TOGARAM1: variants seen among roughly 807,000 people sequenced by gnomAD.
TOGARAM1 encodes TOG array regulator of axonemal microtubules 1, also known as TOG array regulator of axonemal microtubules protein 1.
TOGARAM1 carries 100 observed loss-of-function variants against 166.6 expected under a neutral mutation model. The ratio of observed to expected loss-of-function variants is 0.60; its 90% confidence interval spans 0.51 to 0.71. The LOEUF (loss-of-function observed/expected upper bound fraction) is 0.71. Ranked by LOEUF, TOGARAM1 falls within the 30% of genes least tolerant of loss-of-function variation. The pLI is 0.00. For missense variants in TOGARAM1, 2,029 were observed against 2,102.7 expected (o/e 0.96, Z 0.69); for synonymous variants, 758 against 763.8 (o/e 0.99, Z 0.13).
intron 19 of TOGARAM1, among the ~76,000 whole-genome samples, 181 bp from the exon 20 acceptor site, chr14:45,073,115 A>G (rs1883453569): frequency 6.6e-6 from 1 of 152,230 alleles, no homozygotes; most frequent in African/African-American, 2.4e-5. Flanking sequence ...TTCTAATACC[A>G]TATTTGAAGA....
In TOGARAM1 at chr14:45,027,347, T is replaced by C; in HGVS notation, c.3377T>C (p.Val1126Ala). Residue 1126 changes from valine (V) to alanine (A), a missense_variant, in exon 9 of 20, where the codon GTG (valine) becomes GCG (alanine). Val to Ala is a moderately conservative substitution (Grantham distance 64). This residue lies in a region of TOGARAM1 where 1,453 missense variants were observed against 1,432.2 expected (regional missense o/e 1.01). Coordinates refer to ENST00000361462, the MANE Select transcript of TOGARAM1 (RefSeq NM_001308120.2). ...SSAPATCSQSVISSVENGDTF... is the reference protein window; with the variant it reads ...SSAPATCSQSAISSVENGDTF... ...GCACCAGCAACCTGCAGCCAATCAG[T>C]GATATCTTCTGTGGAAAATGGGGAT... The C allele has an allele frequency of 6.2e-7, 1 of 1,613,620 alleles. No homozygotes were observed. Among genetic ancestry groups the C allele is most frequent in the African/African-American group, 1.3e-5 (1 of 75,004 alleles).
In TOGARAM1 at chr14:45,051,629, G is replaced by A. The variant is rs573926889; in HGVS notation, c.4314-807G>A. ...GGCTGGAGTGCAATGGTGTGATCTCGGCTCACTGCAACCTCCACCTCCTGG... is the reference window on the plus strand; with the variant it reads ...GGCTGGAGTGCAATGGTGTGATCTCAGCTCACTGCAACCTCCACCTCCTGG... On this transcript the variant is annotated intron_variant, in intron 14 of 19. Coordinates refer to ENST00000361462, the MANE Select transcript of TOGARAM1 (RefSeq NM_001308120.2). 8.6e-5 allele frequency among the ~76,000 whole-genome samples: 12 copies of A among 139,836 alleles called. No individual in the cohort carries two copies. In the South Asian group the frequency reaches 1.8e-3, roughly 21 times the overall value. 91.7% of individuals were successfully genotyped at this position (139,836 alleles called of 152,430 possible).
At position 45,068,575 on chromosome 14, in the gene TOGARAM1, T is replaced by C; in HGVS notation, c.4901T>C (p.Leu1634Pro). 1.2e-6 allele frequency: 2 copies of C among 1,613,346 alleles called. No individual in the cohort carries two copies. Among genetic ancestry groups the C allele is most frequent in the Non-Finnish European group, 1.7e-6 (2 of 1,179,646 alleles). The change falls in exon 18 of 20, where the codon CTG becomes CCG. Residue 1634 changes from leucine to proline, a missense_variant. Around this residue, in one of 2 missense-constraint regions of TOGARAM1, gnomAD observed 576 missense variants for 670.5 expected, o/e 0.86. Transcript: ENST00000361462. ...MLIPAIVDNN[L>P]NSKNPGIYAA... ...ATTCCAGCAATAGTGGATAACAATC[T>C]GAATTCCAAGAATCCAGGCATCTAT...
In TOGARAM1 at chr14:45,066,644, G is replaced by C; in HGVS notation, c.4626G>C (p.Glu1542Asp). ...CTCGTAATTCCTTAGAAAGTGCTGA[G>C]TACCTTAAACTCATAACTGGCTTAT... ...SVPRNSLESA[E>D]YLKLITGLLN... Residue 1542 changes from glutamate to aspartate, a missense_variant, in exon 17 of 20, where the codon GAG (glutamate) becomes GAC (aspartate). Glu to Asp is a conservative substitution (Grantham distance 45, BLOSUM62 2). Coordinates refer to ENST00000361462, the MANE Select transcript of TOGARAM1 (RefSeq NM_001308120.2). 3 of 1,613,614 alleles carry C rather than the reference G, an allele frequency of 1.9e-6. No homozygotes were observed. The highest frequency in any genetic ancestry group is 2.7e-5 in the African/African-American group (2 of 75,032).
intron 1 of TOGARAM1, among the ~76,000 whole-genome samples, chr14:44,972,379 T>G (rs930013746): frequency 6.6e-6 from 1 of 152,176 alleles, no homozygotes; most frequent in African/African-American, 2.4e-5. Flanking sequence ...AGATGTCAAT[T>G]ACATCTAGTT....
chr14:45,003,334 A>G (rs961000294), intron 3 of TOGARAM1, among the ~76,000 whole-genome samples: 1 of 152,156 alleles, frequency 6.6e-6, no homozygotes, highest in Non-Finnish European at 1.5e-5. Flanking sequence ...AACCCCTAAA[A>G]GATTACAAAT....
intron 3 of TOGARAM1, 23 bp downstream of exon 3, chr14:44,999,520 G>C: frequency 6.4e-7 from 1 of 1,556,240 alleles, no homozygotes; most frequent in South Asian, 1.3e-5. Flanking sequence ...AATTTACTTG[G>C]AAACAAATGA....
intron 7 of TOGARAM1, among the ~76,000 whole-genome samples, chr14:45,020,939 C>G (rs1464414099): frequency 6.6e-6 from 1 of 152,082 alleles, no homozygotes; most frequent in East Asian, 1.9e-4. Context: ...GAGGCACATT[C>G]AACAGTTAGT....
At chr14:45,001,815 A>C (rs1887701574) in intron 3 of TOGARAM1, among the ~76,000 whole-genome samples, 1 of 152,216 alleles carries the variant, frequency 6.6e-6, no homozygotes, top group South Asian at 2.1e-4. Context: ...TAGGAACCGT[A>C]ACTTCCTAAA....
rs750319611 is a variant in TOGARAM1, at chr14:45,054,515, T to C, written c.4525T>C (p.Ser1509Pro). The C allele has an allele frequency of 6.2e-7, 1 of 1,613,210 alleles. No individual in the cohort carries two copies. Among genetic ancestry groups the C allele is most frequent in the Non-Finnish European group, 8.5e-7 (1 of 1,179,440 alleles). ...TGSVGNTRSSSVSRDAFNSAE... is the reference protein window; with the variant it reads ...TGSVGNTRSSPVSRDAFNSAE... ...CAGTGTTGGAAATACAAGATCATCATCTGTTTCTAGAGATGCTTTCAATTC... is the reference window on the plus strand; with the variant it reads ...CAGTGTTGGAAATACAAGATCATCACCTGTTTCTAGAGATGCTTTCAATTC... Residue 1509 changes from serine (S) to proline (P), a missense_variant, in exon 16 of 20, where the codon TCT becomes CCT. Around this residue, in one of 2 missense-constraint regions of TOGARAM1, gnomAD observed 576 missense variants for 670.5 expected, o/e 0.86. Coordinates refer to ENST00000361462, the MANE Select transcript of TOGARAM1 (RefSeq NM_001308120.2).
At chr14:44,981,191 G>C (rs1320989335) in intron 1 of TOGARAM1, among the ~76,000 whole-genome samples, 1 of 152,198 alleles carries the variant, frequency 6.6e-6, no homozygotes, top group Non-Finnish European at 1.5e-5. Context: ...TGAATTAGAA[G>C]ACTGTTATTT....
At chr14:44,978,252 C>G (rs1886322417) in intron 1 of TOGARAM1, 1 of 152,070 alleles carries the variant, frequency 6.6e-6, no homozygotes, top group African/African-American at 2.4e-5. Context: ...TCCCAAATTC[C>G]ACTGTGCCCT....
At chr14:45,013,665 T>C (rs1389141838) in intron 7 of TOGARAM1, among the ~76,000 whole-genome samples, 1 of 152,250 alleles carries the variant, frequency 6.6e-6, no homozygotes, top group Non-Finnish European at 1.5e-5. Flanking sequence ...TCATGACATA[T>C]ATAAAGCAAC....
chr14:45,016,514 C>T (rs1262356290), intron 7 of TOGARAM1, among the ~76,000 whole-genome samples: 2 of 152,152 alleles, frequency 1.3e-5, no homozygotes, highest in African/African-American at 2.4e-5. Context: ...ACACCGTGCT[C>T]AATTACAGGA....
chr14:44,962,395 C>T lies in TOGARAM1; in HGVS notation c.-27C>T, dbSNP rs375803829. ...CCTTTGGAGACGGCAATGGTTTCTTCCAACCACCACCACCTGACAACCCTG... is the reference window on the plus strand; with the variant it reads ...CCTTTGGAGACGGCAATGGTTTCTTTCAACCACCACCACCTGACAACCCTG... On this transcript the variant is annotated 5_prime_UTR_variant, in exon 1 of 20. Transcript: ENST00000361462. 6.6e-7 allele frequency: 1 copy of T among 1,517,618 alleles called. No homozygotes were observed. The highest frequency in any genetic ancestry group is 2.2e-5 in the Admixed American group (1 of 45,892). The allele number at this position is 1,517,618 out of a possible 1,614,324, so 94.0% of individuals were successfully genotyped here. A position where few individuals can be genotyped will look rare whatever the true frequency, so the allele number is the denominator to read the frequency against.
rs150582439 is a variant in TOGARAM1 at position 45,041,449 on chromosome 14, G to C, written c.3813-2237G>C. 2.0e-5 allele frequency among the ~76,000 whole-genome samples: 3 copies of C among 152,284 alleles called. No homozygotes were observed. In the East Asian group the frequency reaches 5.8e-4, roughly 29 times the overall value. On this transcript the variant is annotated intron_variant, in intron 11 of 19. Coordinates refer to ENST00000361462, the MANE Select transcript of TOGARAM1 (RefSeq NM_001308120.2). ...TTCCACAAAGAAAACTTCAGTTTCT[G>C]ATAGTTTATCCCAAAGTTTTTACGA...
chr14:45,068,382 A>G, intron 17 of TOGARAM1, 42 bp from the exon 18 acceptor site: 1 of 1,391,612 alleles, frequency 7.2e-7, no homozygotes, highest in Non-Finnish European at 9.9e-7. Flanking sequence ...CAATAGCTAT[A>G]AAAATCATTT....
chr14:44,995,519 G>A, intron 1 of TOGARAM1: 2 of 531,846 alleles, frequency 3.8e-6, no homozygotes, highest in South Asian at 3.1e-5. Flanking sequence ...GAACAGTAAA[G>A]GGTTGGGGTG....
rs1235420603 is a variant in TOGARAM1 at position 44,973,769 on chromosome 14, C to T, written c.2046+9302C>T. ...TCTTCACTTGTGAAAGATTATTTCC[C>T]AGGGTATAGACTTCTAAATTGATGG... On this transcript the variant is annotated intron_variant, in intron 1 of 19. Coordinates refer to ENST00000361462, the MANE Select transcript of TOGARAM1 (RefSeq NM_001308120.2). Among the ~76,000 whole-genome samples the T allele has an allele frequency of 1.3e-5, 2 of 151,280 alleles. 1 individual carries two copies. Among genetic ancestry groups the T allele is most frequent in the African/African-American group, 4.8e-5 (2 of 41,282 alleles).
Sources: allele counts gnomAD v4.1 joint callset (sites outside exome capture counted in the v4.1 genomes callset), GRCh38; gene constraint gnomAD v4.1.1; regional missense constraint gnomAD v4.1.1; transcripts MANE v1.5; gene names NCBI Gene and HGNC (gene_info 2026-07-23, HGNC 2026-07-21).